PCNX2: variants seen among roughly 807,000 people sequenced by gnomAD.
PCNX2 encodes pecanex 2, also known as pecanex-like protein 2.
In PCNX2, 168 loss-of-function variants were observed where a neutral mutation model predicts 223.8. That is an observed-to-expected ratio of 0.75 (90% confidence interval 0.66 to 0.85). The LOEUF is 0.85. Ranked by LOEUF, PCNX2 falls within the 40% of genes least tolerant of loss-of-function variation. The probability of loss-of-function intolerance (pLI) is 0.00; values close to 1 mark genes in which losing one functional copy is unlikely to be tolerated. For synonymous variants in PCNX2, 1,006 were observed against 1,052.6 expected, an observed-to-expected ratio of 0.96 and a Z score of 0.86; for missense variants, 2,507 against 2,675.5, an observed-to-expected ratio of 0.94 and a Z score of 1.39.
intron 13 of PCNX2, among the ~76,000 whole-genome samples, chr1:233,207,861 C>A (rs911665460): frequency 4.6e-5 from 7 of 152,144 alleles, no homozygotes; most frequent in Non-Finnish European, 7.3e-5. Flanking sequence ...ATTCAGGACT[C>A]CTCCTGGACT....
chr1:233,058,156 G>T, intron 23 of PCNX2: 1 of 684,692 alleles, frequency 1.5e-6, no homozygotes, highest in Non-Finnish European at 1.8e-6. Flanking sequence ...TTGTAAGGCA[G>T]CCAGTCCATG....
chr1:233,162,014 A>G (rs1678517108), intron 17 of PCNX2, among the ~76,000 whole-genome samples: 1 of 149,284 alleles, frequency 6.7e-6, no homozygotes, highest in South Asian at 2.1e-4. Flanking sequence ...GTATGTTTAT[A>G]TTTATATATA....
chr1:233,318,997 C>T, the PCNX2 span, among the ~76,000 whole-genome samples: 1 of 152,128 alleles, frequency 6.6e-6, no homozygotes. Flanking sequence ...TGTCCTGTGA[C>T]CAGGAATCCA....
chr1:233,074,771 A>T lies in PCNX2; in HGVS notation c.4076+15290T>A, dbSNP rs536420061. Among the ~76,000 whole-genome samples the T allele has an allele frequency of 2.6e-5, 4 of 152,254 alleles. No homozygotes were observed. The South Asian group carries it at 8.3e-4, about 32-fold the overall frequency. ...TAGAAAATGAGCAAAAGACATGAAT[A>T]AACATTTCACTGAAGAGACTATAGA... On this transcript the variant is annotated intron_variant, in intron 23 of 33. Coordinates refer to ENST00000258229, the MANE Select transcript of PCNX2 (RefSeq NM_014801.4).
intron 21 of PCNX2, among the ~76,000 whole-genome samples, chr1:233,108,954 C>T (rs773737351): frequency 1.5e-4 from 23 of 152,114 alleles, no homozygotes; most frequent in Non-Finnish European, 2.9e-4. Flanking sequence ...GGGAGAGGGA[C>T]AGGAAAGGTA....
At chr1:233,204,969 G>A (rs1681359461) in intron 13 of PCNX2, among the ~76,000 whole-genome samples, 2 of 152,176 alleles carry the variant, frequency 1.3e-5, no homozygotes, top group South Asian at 4.1e-4. Context: ...AATATGCATA[G>A]CTAGTAGGAT....
intron 17 of PCNX2, among the ~76,000 whole-genome samples, chr1:233,162,566 T>C (rs935819503): frequency 1.3e-5 from 2 of 152,294 alleles, no homozygotes; most frequent in African/African-American, 2.4e-5. Flanking sequence ...GTGATAACCA[T>C]AGGAATTTAA....
chr1:233,057,085 C>T (rs1672217192), intron 24 of PCNX2, 147 bp downstream of exon 24: 1 of 726,588 alleles, frequency 1.4e-6, no homozygotes. Flanking sequence ...GATCACTCTA[C>T]CTGCACAGTT....
chr1:233,204,173 T>C (rs1681308392), intron 13 of PCNX2, among the ~76,000 whole-genome samples: 1 of 152,048 alleles, frequency 6.6e-6, no homozygotes, highest in Non-Finnish European at 1.5e-5. Context: ...CTGGTGTCCT[T>C]ATGAAAAGGA....
chr1:233,240,055 A>G (rs1315585828), intron 8 of PCNX2, among the ~76,000 whole-genome samples: 1 of 152,146 alleles, frequency 6.6e-6, no homozygotes, highest in African/African-American at 2.4e-5. Flanking sequence ...TGTCATCTGT[A>G]TTGTCATGTG....
Position 233,053,741 on chromosome 1 carries a change from G to A in PCNX2, c.4351+527C>T, listed in dbSNP as rs1672090056. Among the ~76,000 whole-genome samples, 3 of 152,158 alleles carry A rather than the reference G, an allele frequency of 2.0e-5. No individual in the cohort carries two copies. The South Asian group carries it at 6.2e-4, about 32-fold the overall frequency. ...CTGGAGTTATACTTTCAAGATTCAGGCAGACTCAATAACCATAAAGCAATG... is the reference window on the plus strand; with the variant it reads ...CTGGAGTTATACTTTCAAGATTCAGACAGACTCAATAACCATAAAGCAATG... On this transcript the variant is annotated intron_variant, in intron 25 of 33. Coordinates refer to ENST00000258229, the MANE Select transcript of PCNX2 (RefSeq NM_014801.4).
the PCNX2 span, among the ~76,000 whole-genome samples, chr1:233,309,356 A>G: frequency 0.027 from 4,070 of 152,018 alleles, 75 homozygotes; most frequent in Non-Finnish European, 0.04. Context: ...AGCCTGATCA[A>G]CATGATGAAA....
chr1:233,103,545 TTC>T (rs1674609063), intron 21 of PCNX2, among the ~76,000 whole-genome samples: 1 of 152,184 alleles, frequency 6.6e-6, no homozygotes, highest in Non-Finnish European at 1.5e-5. Context: ...ATGTTTATCT[TTC>T]TGTGCCCAGC....
chr1:233,287,459 G>A (rs1469658242), intron 1 of PCNX2, among the ~76,000 whole-genome samples: 1 of 152,128 alleles, frequency 6.6e-6, no homozygotes, highest in Non-Finnish European at 1.5e-5. Context: ...TTCCTATTCT[G>A]TTCTCATGAT....
chr1:233,105,168 GAACT>G (rs138150301), intron 21 of PCNX2, among the ~76,000 whole-genome samples: 1,620 of 152,102 alleles, frequency 0.011, 25 homozygotes, highest in African/African-American at 0.038. Flanking sequence ...AACTCTGAAT[GAACT>G]ATTTACAAAA....
At chr1:233,136,288 C>T (rs984080164) in intron 20 of PCNX2, among the ~76,000 whole-genome samples, 1 of 152,180 alleles carries the variant, frequency 6.6e-6, no homozygotes, top group Non-Finnish European at 1.5e-5. Flanking sequence ...AAACTGGGGC[C>T]ATGCCTCAAT....
intron 12 of PCNX2, among the ~76,000 whole-genome samples, chr1:233,213,098 C>A (rs910701065): frequency 4.6e-4 from 70 of 152,172 alleles, no homozygotes; most frequent in African/African-American, 1.7e-3. Context: ...CCTGACCAGT[C>A]CTCCTCAAAA....
chr1:233,253,419 G>T lies in PCNX2; in HGVS notation c.1835-631C>A, dbSNP rs1332481371. On this transcript the variant is annotated intron_variant, in intron 5 of 33. Transcript: ENST00000258229. This position sits in a 1 kb window ranked among gnomAD's most constrained non-coding sequence, Gnocchi z 4.2. ...GAGTGCAATGGTGGAGTCATAGCACGCTGCAGCTTCAACCTCTTGGGCACA... is the reference window on the plus strand; with the variant it reads ...GAGTGCAATGGTGGAGTCATAGCACTCTGCAGCTTCAACCTCTTGGGCACA... 6.6e-6 allele frequency among the ~76,000 whole-genome samples: 1 copy of T among 152,158 alleles called. No individual in the cohort carries two copies. Among genetic ancestry groups the T allele is most frequent in the Non-Finnish European group, 1.5e-5 (1 of 68,030 alleles).
chr1:233,066,463 G>A (rs1413656084), intron 23 of PCNX2, among the ~76,000 whole-genome samples: 6 of 152,300 alleles, frequency 3.9e-5, no homozygotes, highest in South Asian at 2.1e-4. Context: ...CTCATCCAGC[G>A]AGGGCACTTA....
Sources: allele counts gnomAD v4.1 joint callset (sites outside exome capture counted in the v4.1 genomes callset), GRCh38; gene constraint gnomAD v4.1.1; non-coding constraint Gnocchi (gnomAD v3.1); transcripts MANE v1.5; gene names NCBI Gene and HGNC (gene_info 2026-07-23, HGNC 2026-07-21).